SLC35F4: variants seen among roughly 807,000 people sequenced by gnomAD.
The protein encoded by SLC35F4 is chromosome 14 open reading frame 36.
In SLC35F4, 24 loss-of-function variants were observed where a neutral mutation model predicts 44.2. The observed-to-expected ratio is 0.54, with a 90% CI of 0.39 to 0.76. The LOEUF (loss-of-function observed/expected upper bound fraction) is 0.76, where lower values mean the gene tolerates loss of function less well. Among genes scored for constraint, SLC35F4 ranks in the 30% least tolerant of loss-of-function variants. The pLI is 0.00. For missense variants in SLC35F4, 562 were observed against 586.1 expected, an observed-to-expected ratio of 0.96 and a Z score of 0.42; for synonymous variants, 238 against 223.6, an observed-to-expected ratio of 1.06 and a Z score of -0.57.
intron 1 of SLC35F4, among the ~76,000 whole-genome samples, chr14:57,959,183 G>A (rs551990682): frequency 4.6e-5 from 7 of 152,122 alleles, no homozygotes; most frequent in East Asian, 1.9e-4. Context: ...ATGTACTGCT[G>A]GTTGCAATGC....
intron 1 of SLC35F4, among the ~76,000 whole-genome samples, chr14:57,956,169 T>TGAG: frequency 6.6e-6 from 1 of 152,044 alleles, no homozygotes; most frequent in Non-Finnish European, 1.5e-5. Context: ...TTGACAAACC[T>TGAG]AACAAAACAA....
At chr14:57,738,787 A>ATATATATATATATATG (rs1491518109) in intron 1 of SLC35F4, among the ~76,000 whole-genome samples, 21 of 96,942 alleles carry the variant, frequency 2.2e-4, no homozygotes, top group East Asian at 6.0e-4. Context: ...ATATATATAT[A>ATATATATATATATATG]GGCTTCATAT....
intron 1 of SLC35F4, among the ~76,000 whole-genome samples, chr14:57,704,570 C>T (rs1192062271): frequency 6.6e-6 from 1 of 152,064 alleles, no homozygotes; most frequent in African/African-American, 2.4e-5. Context: ...CACCCCCTGA[C>T]AAGAAGGGCT....
In SLC35F4 at chr14:57,612,630, C is replaced by T. The variant is rs76364616; in HGVS notation, c.104-18506G>A. ...TATTTCTGTATCTCCAGTATTGGCA[C>T]TTAGTGGCTTTTCATAAGCATTTGT... On this transcript the variant is annotated intron_variant, in intron 1 of 7. Coordinates refer to ENST00000556826, the MANE Select transcript of SLC35F4 (RefSeq NM_001306087.2). Among the ~76,000 whole-genome samples the T allele has an allele frequency of 7.0e-3, 1,072 of 152,310 alleles. 8 individuals are homozygous for T. The highest frequency in any genetic ancestry group is 0.011 in the Non-Finnish European group (736 of 68,028).
intron 1 of SLC35F4, among the ~76,000 whole-genome samples, chr14:57,739,621 G>T (rs1182073902): frequency 6.6e-6 from 1 of 152,200 alleles, no homozygotes; most frequent in Non-Finnish European, 1.5e-5. Flanking sequence ...TGTGGATTGT[G>T]TTGCAGAATG....
chr14:57,577,304 C>G (rs1194355654), intron 4 of SLC35F4, among the ~76,000 whole-genome samples: 1 of 151,984 alleles, frequency 6.6e-6, no homozygotes, highest in Non-Finnish European at 1.5e-5. Flanking sequence ...TTGGTAGATC[C>G]TGGAAAGTCT....
chr14:57,935,105 G>A (rs566856190), intron 1 of SLC35F4, among the ~76,000 whole-genome samples: 1 of 152,326 alleles, frequency 6.6e-6, no homozygotes, highest in African/African-American at 2.4e-5. Context: ...TCACAACTTT[G>A]ATAAGCCTCT....
At chr14:57,683,937 G>T (rs1339679297) in intron 1 of SLC35F4, among the ~76,000 whole-genome samples, 1 of 152,072 alleles carries the variant, frequency 6.6e-6, no homozygotes, top group Non-Finnish European at 1.5e-5. Flanking sequence ...GGTGGGAGTT[G>T]TCTCTGATCT....
chr14:57,853,121 G>A (rs887842091), intron 1 of SLC35F4, among the ~76,000 whole-genome samples: 2 of 152,128 alleles, frequency 1.3e-5, no homozygotes, highest in African/African-American at 4.8e-5. Flanking sequence ...AAAGAAATAC[G>A]TTTTCCAAAC....
chr14:57,737,436 C>T (rs1292217222), intron 1 of SLC35F4, among the ~76,000 whole-genome samples: 1 of 152,132 alleles, frequency 6.6e-6, no homozygotes, highest in Non-Finnish European at 1.5e-5. Flanking sequence ...AGCTTGCCAT[C>T]ATCTTTTGAC....
chr14:57,738,747 T>TTATATATA (rs1566810110), intron 1 of SLC35F4, among the ~76,000 whole-genome samples: 1 of 41,540 alleles, frequency 2.4e-5, no homozygotes, highest in Admixed American at 3.4e-4. Context: ...ATTTGAATTT[T>TTATATATA]CATATATATA....
chr14:57,728,656 G>T (rs1173227776), intron 1 of SLC35F4, among the ~76,000 whole-genome samples: 1 of 151,660 alleles, frequency 6.6e-6, no homozygotes, highest in Non-Finnish European at 1.5e-5. Flanking sequence ...CAACAAGTTG[G>T]CCAGGCTAGT....
intron 1 of SLC35F4, among the ~76,000 whole-genome samples, chr14:57,900,462 G>C (rs1804172267): frequency 6.6e-6 from 1 of 152,184 alleles, no homozygotes; most frequent in African/African-American, 2.4e-5. Flanking sequence ...CCTGGACCTG[G>C]GGAGGTGGTT....
At chr14:57,742,288 A>G (rs1018157476) in intron 1 of SLC35F4, among the ~76,000 whole-genome samples, 1 of 152,064 alleles carries the variant, frequency 6.6e-6, no homozygotes, top group Non-Finnish European at 1.5e-5. Flanking sequence ...CAAATTGGAT[A>G]AAGAGTCAAG....
intron 4 of SLC35F4, among the ~76,000 whole-genome samples, chr14:57,573,987 C>T: frequency 6.6e-6 from 1 of 152,236 alleles, no homozygotes; most frequent in South Asian, 2.1e-4. Context: ...TAAAAGCATT[C>T]TATAATACAT....
chr14:57,593,168 A>G (rs932491666), intron 2 of SLC35F4, among the ~76,000 whole-genome samples: 1 of 152,220 alleles, frequency 6.6e-6, no homozygotes, highest in Non-Finnish European at 1.5e-5. Context: ...CTTTTCAGGA[A>G]CGTGGAAGTA....
chr14:57,604,449 T>C (rs2071029483), intron 1 of SLC35F4, among the ~76,000 whole-genome samples: 1 of 152,058 alleles, frequency 6.6e-6, no homozygotes, highest in South Asian at 2.1e-4. Context: ...CTGAAAGAAA[T>C]CATAGATGAC....
intron 1 of SLC35F4, among the ~76,000 whole-genome samples, chr14:57,850,766 C>A (rs1357829414): frequency 2.0e-5 from 3 of 152,112 alleles, no homozygotes; most frequent in Non-Finnish European, 4.4e-5. Flanking sequence ...TCCAAGGGTA[C>A]CTAGGTATAC....
chr14:57,590,226 C>CAAAAAAAAAAAAAAAAAAAAAAA (rs55850524), intron 2 of SLC35F4, among the ~76,000 whole-genome samples: 10 of 119,168 alleles, frequency 8.4e-5, no homozygotes, highest in Non-Finnish European at 1.7e-4. Context: ...CTTGTCTATG[C>CAAAAAAAAAAAAAAAAAAAAAAA]AAAAAAAAAA....
Sources: allele counts gnomAD v4.1 joint callset (sites outside exome capture counted in the v4.1 genomes callset), GRCh38; gene constraint gnomAD v4.1.1; transcripts MANE v1.5; gene names NCBI Gene and HGNC (gene_info 2026-07-23, HGNC 2026-07-21).